Variants in DCC observed in about 807,000 individuals in gnomAD.
The protein encoded by DCC is netrin receptor DCC.
DCC carries 58 observed loss-of-function variants against 172.5 expected under a neutral mutation model. The observed-to-expected ratio is 0.34, with a 90% CI of 0.27 to 0.42. The LOEUF (loss-of-function observed/expected upper bound fraction) is 0.42, where lower values mean the gene tolerates loss of function less well. Ranked by LOEUF, DCC falls within the 10% of genes least tolerant of loss-of-function variation. DCC has a pLI of 1.00. For missense variants in DCC, 1,740 were observed against 1,791.0 expected (o/e 0.97, Z 0.51); for synonymous variants, 709 against 644.5 (o/e 1.10, Z -1.52).
chr18:52,372,497 T>C (rs1985164886), intron 1 of DCC, among the ~76,000 whole-genome samples: 2 of 152,228 alleles, frequency 1.3e-5, no homozygotes, highest in African/African-American at 4.8e-5. Flanking sequence ...CTATTACTTG[T>C]GGAAATTAGA....
chr18:53,110,229 A>C (rs187514159), intron 7 of DCC, among the ~76,000 whole-genome samples: 2 of 151,726 alleles, frequency 1.3e-5, no homozygotes, highest in Non-Finnish European at 3.0e-5. Flanking sequence ...TTTTCAGCTG[A>C]ATAAACACAG....
chr18:52,346,808 T>C (rs1215312611), intron 1 of DCC, among the ~76,000 whole-genome samples: 3 of 152,198 alleles, frequency 2.0e-5, no homozygotes, highest in Non-Finnish European at 4.4e-5. Context: ...TTCTCTTTTC[T>C]AGTAAATTCC....
At chr18:52,607,708 T>C (rs777564755) in intron 1 of DCC, among the ~76,000 whole-genome samples, 7 of 152,190 alleles carry the variant, frequency 4.6e-5, no homozygotes, top group Non-Finnish European at 8.8e-5. Context: ...TACAAAAATA[T>C]CCATCTCTTA....
chr18:52,846,584 C>G (rs1372880891), intron 2 of DCC, among the ~76,000 whole-genome samples: 1 of 144,264 alleles, frequency 6.9e-6, no homozygotes, highest in African/African-American at 2.6e-5. Context: ...TCCTCCTCTT[C>G]TATCTCCCCC....
chr18:53,334,594 C>A (rs186517350), intron 14 of DCC, among the ~76,000 whole-genome samples: 5 of 152,224 alleles, frequency 3.3e-5, no homozygotes, highest in East Asian at 1.9e-4. Context: ...CCTCCCCAAC[C>A]CCCAGCCTCT....
intron 27 of DCC, among the ~76,000 whole-genome samples, chr18:53,515,395 G>T (rs1211735367): frequency 6.6e-6 from 1 of 150,844 alleles, no homozygotes; most frequent in Admixed American, 6.7e-5. Flanking sequence ...GTACAAGACA[G>T]GGATGCCCTC....
intron 12 of DCC, among the ~76,000 whole-genome samples, chr18:53,291,388 T>C (rs190317813): frequency 6.6e-6 from 1 of 152,292 alleles, no homozygotes; most frequent in East Asian, 1.9e-4. Flanking sequence ...TTGCCGTTTT[T>C]ATATGGCATG....
rs367772640 is a variant in DCC, at chr18:53,373,488, A to G, written c.2360-12555A>G. Among the ~76,000 whole-genome samples the G allele has an allele frequency of 4.6e-5, 7 of 152,278 alleles. No homozygotes were observed. In the East Asian group the frequency reaches 1.2e-3, roughly 25 times the overall value. ...TATTTATTTATAATCACATGTCCTA[A>G]TGCTATATTGTTTGTACGACTCATT... On this transcript the variant is annotated intron_variant, in intron 15 of 28. Transcript: ENST00000442544.
intron 1 of DCC, among the ~76,000 whole-genome samples, chr18:52,395,840 T>A (rs1986204590): frequency 1.3e-5 from 2 of 152,032 alleles, no homozygotes; most frequent in African/African-American, 2.4e-5. Context: ...TATCTACTCT[T>A]CCATTTAATG....
At chr18:52,568,692 A>AG in intron 1 of DCC, among the ~76,000 whole-genome samples, 2 of 148,396 alleles carry the variant, frequency 1.3e-5, no homozygotes, top group Non-Finnish European at 3.1e-5. Context: ...GTGCTTACAC[A>AG]CACACACCCC....
At chr18:52,877,367 G>GGT (rs144550415) in intron 2 of DCC, among the ~76,000 whole-genome samples, 3 of 151,910 alleles carry the variant, frequency 2.0e-5, no homozygotes, top group African/African-American at 7.3e-5. Flanking sequence ...GAGGGAGGAG[G>GGT]GTGTGTGTGT....
In DCC at chr18:53,183,952, G is replaced by T. The variant is rs1167040083; in HGVS notation, c.1573+4836G>T. Among the ~76,000 whole-genome samples the T allele has an allele frequency of 3.4e-5, 5 of 146,228 alleles. 1 individual carries two copies. Among genetic ancestry groups the T allele is most frequent in the Non-Finnish European group, 7.5e-5 (5 of 66,888 alleles). On this transcript the variant is annotated intron_variant, in intron 9 of 28. Transcript: ENST00000442544. ...CCTCTTCTTCCTAAGTTGCAAAAAT[G>T]AAATATGATAACACGTGGGCAGCCA...
chr18:52,608,932 T>A, intron 1 of DCC, among the ~76,000 whole-genome samples: 1 of 152,150 alleles, frequency 6.6e-6, no homozygotes, highest in Non-Finnish European at 1.5e-5. Flanking sequence ...ATTGTCCGTA[T>A]TTTCTCAGGA....
chr18:53,208,660 T>C (rs1284924077), intron 11 of DCC, among the ~76,000 whole-genome samples: 1 of 152,186 alleles, frequency 6.6e-6, no homozygotes, highest in Non-Finnish European at 1.5e-5. Flanking sequence ...ACACACACAT[T>C]TGAGACAAGA....
chr18:53,138,259 T>G (rs2043777234), intron 7 of DCC, among the ~76,000 whole-genome samples: 1 of 152,168 alleles, frequency 6.6e-6, no homozygotes. Context: ...AATGTGCCTC[T>G]CTAATGCTGT....
intron 2 of DCC, among the ~76,000 whole-genome samples, chr18:52,777,095 A>G (rs1373683102): frequency 1.3e-5 from 2 of 152,064 alleles, no homozygotes; most frequent in Non-Finnish European, 2.9e-5. Flanking sequence ...ATAAAATGTT[A>G]TTTATCTTAA....
Position 53,499,920 on chromosome 18 carries a change from A to G in DCC, c.4111+410A>G, listed in dbSNP as rs898070987. 3.3e-5 allele frequency among the ~76,000 whole-genome samples: 5 copies of G among 152,230 alleles called. No individual in the cohort carries two copies. In the South Asian group the frequency reaches 1.0e-3, roughly 32 times the overall value. On this transcript the variant is annotated intron_variant, in intron 27 of 28. Transcript: ENST00000442544. ...TGCAAAACCACTTTTTAGAGAAATC[A>G]TAATTCTAATTTGTGCCTTTCAATA...
intron 3 of DCC, among the ~76,000 whole-genome samples, chr18:52,920,160 A>G (rs1363238724): frequency 1.3e-5 from 2 of 152,134 alleles, no homozygotes; most frequent in South Asian, 2.1e-4. Context: ...AAATTTGGCA[A>G]TGCATTTCTA....
intron 1 of DCC, chr18:52,419,401 G>C (rs1043407479): frequency 6.6e-6 from 1 of 152,118 alleles, no homozygotes; most frequent in African/African-American, 2.4e-5. Context: ...TAGAAAACAA[G>C]TTTTCATCCA....
Sources: allele counts gnomAD v4.1 joint callset (sites outside exome capture counted in the v4.1 genomes callset), GRCh38; gene constraint gnomAD v4.1.1; transcripts MANE v1.5; gene names NCBI Gene and HGNC (gene_info 2026-07-23, HGNC 2026-07-21).